The following KCNQ5 variants were observed in gnomAD, a reference collection of about 807,000 sequenced individuals.
KCNQ5 encodes potassium voltage-gated channel subfamily Q member 5, also known as potassium voltage-gated channel subfamily KQT member 5.
Under a neutral mutation model 98.2 loss-of-function variants are expected in KCNQ5, and 30 were observed. That is an observed-to-expected ratio of 0.31 (90% CI 0.23 to 0.41). The LOEUF is 0.41. Among genes scored for constraint, KCNQ5 ranks in the 10% least tolerant of loss-of-function variants. KCNQ5 has a pLI of 1.00. For missense variants in KCNQ5, 835 were observed against 1,182.5 expected (o/e 0.71, Z 4.31); for synonymous variants, 458 against 449.4 (o/e 1.02, Z -0.24).
intron 1 of KCNQ5, among the ~76,000 whole-genome samples, chr6:72,648,774 A>G (rs1018570838): frequency 7.7e-6 from 1 of 129,928 alleles, no homozygotes; most frequent in East Asian, 2.2e-4. Flanking sequence ...ATGGGCCTTC[A>G]TTTTTTTTTT....
intron 1 of KCNQ5, among the ~76,000 whole-genome samples, chr6:72,796,342 C>T (rs1483478875): frequency 6.6e-6 from 1 of 152,076 alleles, no homozygotes; most frequent in Non-Finnish European, 1.5e-5. Context: ...ATGTGACTGC[C>T]TGGAATCCCA....
chr6:73,024,381 T>TGATAGATAGATA (rs1554198956), intron 2 of KCNQ5, among the ~76,000 whole-genome samples: 1,388 of 120,646 alleles, frequency 0.012, 17 homozygotes, highest in Middle Eastern at 0.027. Context: ...GATAGATAGA[T>TGATAGATAGATA]GATAGATAGA....
At chr6:72,764,857 G>A (rs1050578671) in intron 1 of KCNQ5, among the ~76,000 whole-genome samples, 4 of 151,962 alleles carry the variant, frequency 2.6e-5, no homozygotes, top group African/African-American at 2.4e-5. Context: ...AAACAAGTGA[G>A]TGAGAACATG....
chr6:73,077,652 C>T, intron 4 of KCNQ5, 110 bp from the exon 5 acceptor site: 2 of 1,253,954 alleles, frequency 1.6e-6, no homozygotes, highest in Non-Finnish European at 2.2e-6. Context: ...ATTTAAGAGC[C>T]ATCATAAACA....
intron 1 of KCNQ5, among the ~76,000 whole-genome samples, chr6:72,785,494 C>CA (rs1223804513): frequency 1.3e-5 from 2 of 151,678 alleles, no homozygotes; most frequent in African/African-American, 4.8e-5. Flanking sequence ...ACTAAAAATG[C>CA]AAAAAATTAG....
intron 1 of KCNQ5, among the ~76,000 whole-genome samples, chr6:72,685,027 A>G (rs1767883777): frequency 6.6e-6 from 1 of 152,214 alleles, no homozygotes; most frequent in South Asian, 2.1e-4. Context: ...TCAGGCCAAA[A>G]ACAAAACAAG....
At chr6:72,724,417 A>T (rs1770151552) in intron 1 of KCNQ5, among the ~76,000 whole-genome samples, 1 of 152,204 alleles carries the variant, frequency 6.6e-6, no homozygotes, top group African/African-American at 2.4e-5. Context: ...AACTTGCAGG[A>T]TTAAATTTAC....
chr6:73,173,597 A>G (rs902463134), intron 11 of KCNQ5, among the ~76,000 whole-genome samples: 5 of 152,172 alleles, frequency 3.3e-5, no homozygotes, highest in African/African-American at 1.2e-4. Flanking sequence ...TAGTCATTAC[A>G]TATATATACA....
At chr6:72,914,065 G>C (rs952768885) in intron 1 of KCNQ5, among the ~76,000 whole-genome samples, 7 of 152,118 alleles carry the variant, frequency 4.6e-5, no homozygotes, top group Non-Finnish European at 1.0e-4. Flanking sequence ...GGGGATATGA[G>C]GGAGGGAAAG....
intron 2 of KCNQ5, among the ~76,000 whole-genome samples, chr6:73,007,944 A>G (rs1283602360): frequency 1.3e-5 from 2 of 152,202 alleles, no homozygotes; most frequent in East Asian, 1.9e-4. Context: ...AGATGTAATT[A>G]TGTGACATTA....
chr6:72,854,744 A>G (rs546444395), intron 1 of KCNQ5, among the ~76,000 whole-genome samples: 1 of 109,204 alleles, frequency 9.2e-6, no homozygotes, highest in Admixed American at 9.0e-5. Flanking sequence ...ACACACACAC[A>G]CACACACCAT....
intron 6 of KCNQ5, among the ~76,000 whole-genome samples, chr6:73,106,639 G>T (rs1775013194): frequency 6.6e-6 from 1 of 152,044 alleles, no homozygotes; most frequent in African/African-American, 2.4e-5. Context: ...TTTGATTAGG[G>T]TCCATCCTAA....
At chr6:72,735,543 T>C (rs1770783055) in intron 1 of KCNQ5, among the ~76,000 whole-genome samples, 1 of 152,128 alleles carries the variant, frequency 6.6e-6, no homozygotes, top group African/African-American at 2.4e-5. Flanking sequence ...ACTATCTTCA[T>C]AAAAAATGAC....
chr6:73,101,527 T>C (rs144977441), intron 5 of KCNQ5, among the ~76,000 whole-genome samples: 2,979 of 152,284 alleles, frequency 0.02, 219 homozygotes, highest in Admixed American at 0.12. Context: ...ATAAAAAAAC[T>C]ATTAGAACTG....
At chr6:72,876,841 A>G (rs139021340) in intron 1 of KCNQ5, among the ~76,000 whole-genome samples, 3 of 152,302 alleles carry the variant, frequency 2.0e-5, no homozygotes, top group Non-Finnish European at 4.4e-5. Flanking sequence ...GGACCTTGGT[A>G]TGTTTGCAGA....
At position 72,813,684 on chromosome 6, in the gene KCNQ5, C is replaced by T. The variant is rs182521330; in HGVS notation, c.399-190224C>T. Among the ~76,000 whole-genome samples, 1,184 of 152,224 alleles carry T rather than the reference C, an allele frequency of 7.8e-3. 8 individuals carry two copies. The highest frequency in any genetic ancestry group is 9.5e-3 in the Non-Finnish European group (649 of 68,022). On this transcript the variant is annotated intron_variant, in intron 1 of 13. Coordinates refer to ENST00000370398, the MANE Select transcript of KCNQ5 (RefSeq NM_019842.4). ...TACCAAAATCTGCAGGTGCTTAAGTCCCCGATATAAAATAGTGTAGTATTG... is the reference window on the plus strand; with the variant it reads ...TACCAAAATCTGCAGGTGCTTAAGTTCCCGATATAAAATAGTGTAGTATTG...
At chr6:73,089,887 G>A (rs1313666024) in intron 5 of KCNQ5, among the ~76,000 whole-genome samples, 1 of 152,158 alleles carries the variant, frequency 6.6e-6, no homozygotes, top group African/African-American at 2.4e-5. Context: ...ATGTGCAAGT[G>A]TCTTCTTCAT....
At chr6:73,127,383 C>CT (rs1277315862) in intron 9 of KCNQ5, among the ~76,000 whole-genome samples, 2 of 152,124 alleles carry the variant, frequency 1.3e-5, no homozygotes, top group East Asian at 3.9e-4. Context: ...ACATTTTCAC[C>CT]TTTTAGCCCA....
At chr6:73,166,316 G>T (rs1278248970) in intron 10 of KCNQ5, among the ~76,000 whole-genome samples, 2 of 151,000 alleles carry the variant, frequency 1.3e-5, no homozygotes, top group East Asian at 2.0e-4. Context: ...GGCACCTGTA[G>T]TCCCAGCTAC....
Sources: gnomAD v4.1 joint callset for allele counts (sites outside exome capture counted in the v4.1 genomes callset) on GRCh38, gnomAD v4.1.1 for gene constraint, MANE v1.5 for transcripts, NCBI Gene and HGNC (gene_info 2026-07-23, HGNC 2026-07-21) for gene names.